The following PCDHGA10 variants were observed in gnomAD, a reference collection of about 807,000 sequenced individuals.
The protein encoded by PCDHGA10 is protocadherin gamma subfamily A, 10.
In PCDHGA10, 42 loss-of-function variants were observed where a neutral mutation model predicts 59.5. The ratio of observed to expected loss-of-function variants is 0.71; its 90% CI spans 0.55 to 0.91. PCDHGA10 has a LOEUF of 0.91. PCDHGA10 is among the 40% of genes least tolerant of loss of function. The pLI, the probability that PCDHGA10 is intolerant of heterozygous loss-of-function variation, is 0.00. For missense variants in PCDHGA10, 1,111 were observed against 1,198.2 expected, an observed-to-expected ratio of 0.93 and a Z score of 1.07; for synonymous variants, 511 against 517.2, an observed-to-expected ratio of 0.99 and a Z score of 0.16.
At chr5:141,427,912 A>G in intron 1 of PCDHGA10, 1 of 1,577,806 alleles carries the variant, frequency 6.3e-7, no homozygotes, top group East Asian at 2.2e-5. Flanking sequence ...CTCAGCGCCA[A>G]CATGAGCCGG....
chr5:141,491,390 T>G lies in PCDHGA10; in HGVS notation c.2437-3417T>G. 1 of 1,614,130 alleles carries G rather than the reference T, an allele frequency of 6.2e-7. No individual in the cohort carries two copies. Among genetic ancestry groups the G allele is most frequent in the Admixed American group, 1.7e-5 (1 of 60,028 alleles). ...TTCACCTTTCTGTCAGCGAAGTGCC[T>G]TCAGGGAAACGCAGACGGGGACGGG... On this transcript the variant is annotated intron_variant, in intron 1 of 3. Transcript: ENST00000398610. The surrounding 1 kb of genome is among the most constrained non-coding windows in gnomAD (Gnocchi z 6.9).
chr5:141,476,336 C>G lies in PCDHGA10; in HGVS notation c.2437-18471C>G, dbSNP rs1228900349. The G allele has an allele frequency of 2.5e-6, 4 of 1,614,008 alleles. No individual in the cohort carries two copies. The highest frequency in any genetic ancestry group is 2.2e-5 in the East Asian group (1 of 44,854). ...GTTCCGGGTGGTGTCTGGAGCTAGC[C>G]GAAGATTCTTTGAGGTGAACCGGGA... On this transcript the variant is annotated intron_variant, in intron 1 of 3. Coordinates refer to ENST00000398610, the MANE Select transcript of PCDHGA10 (RefSeq NM_018913.3). The surrounding 1 kb of genome is among the most constrained non-coding windows in gnomAD (Gnocchi z 7.6).
chr5:141,477,504 A>T lies in PCDHGA10; in HGVS notation c.2437-17303A>T, dbSNP rs1396003792. Reference sequence around the variant, plus strand: ...CCACAATCTTCTCAATCTTCCTACGACGTTTACATTGAAGAAAACAACCTC... The same window carrying T: ...CCACAATCTTCTCAATCTTCCTACGTCGTTTACATTGAAGAAAACAACCTC... On this transcript the variant is annotated intron_variant, in intron 1 of 3. Coordinates refer to ENST00000398610, the MANE Select transcript of PCDHGA10 (RefSeq NM_018913.3). This position sits in a 1 kb window ranked among gnomAD's most constrained non-coding sequence, Gnocchi z 4.9. The T allele has an allele frequency of 4.3e-6, 7 of 1,613,982 alleles. No homozygotes were observed. In the Admixed American group the frequency reaches 8.3e-5, roughly 19 times the overall value.
At chr5:141,443,751 A>C (rs1372334547) in intron 1 of PCDHGA10, among the ~76,000 whole-genome samples, 3 of 152,230 alleles carry the variant, frequency 2.0e-5, no homozygotes, top group African/African-American at 7.2e-5. Context: ...GTGAATTGGA[A>C]GCTTACAATA....
At chr5:141,458,058 C>T (rs997664641) in intron 1 of PCDHGA10, among the ~76,000 whole-genome samples, 3 of 152,196 alleles carry the variant, frequency 2.0e-5, no homozygotes, top group Non-Finnish European at 4.4e-5. Context: ...TCTTGCTGCA[C>T]TGATGCGAAC....
intron 1 of PCDHGA10, chr5:141,441,206 C>T (rs750648706): frequency 3.3e-5 from 5 of 152,150 alleles, no homozygotes; most frequent in African/African-American, 4.8e-5. Context: ...GATTCTGCAC[C>T]TTGGACAGTA....
intron 1 of PCDHGA10, among the ~76,000 whole-genome samples, chr5:141,436,374 G>C (rs2154557079): frequency 6.6e-6 from 1 of 152,248 alleles, no homozygotes; most frequent in East Asian, 1.9e-4. Context: ...TCCAGTTTAA[G>C]CTGAATAGGC....
At position 141,490,870 on chromosome 5, in the gene PCDHGA10, T is replaced by C; in HGVS notation, c.2437-3937T>C. Reference sequence around the variant, plus strand: ...GGTTCGAGACTCCGGCTCTCCCCCATTGCATGCCAACACATCTCTGCATGT... The same window carrying C: ...GGTTCGAGACTCCGGCTCTCCCCCACTGCATGCCAACACATCTCTGCATGT... On this transcript the variant is annotated intron_variant, in intron 1 of 3. Coordinates refer to ENST00000398610, the MANE Select transcript of PCDHGA10 (RefSeq NM_018913.3). The surrounding 1 kb of genome is among the most constrained non-coding windows in gnomAD (Gnocchi z 5.4). 6.2e-7 allele frequency: 1 copy of C among 1,613,888 alleles called. No homozygotes were observed. Among genetic ancestry groups the C allele is most frequent in the Non-Finnish European group, 8.5e-7 (1 of 1,179,932 alleles).
Position 141,414,134 on chromosome 5 carries a change from A to T in PCDHGA10, c.959A>T (p.Glu320Val). ...NLDYEETGFY[E>V]IEIQAEDGGA... The stretch of plus-strand genomic sequence containing the variant: ...GATTATGAAGAAACCGGTTTCTATG[A>T]AATAGAAATACAAGCAGAAGATGGA... Residue 320 changes from glutamate (E) to valine (V), a missense_variant, in exon 1 of 4, where the codon GAA becomes GTA. Glu to Val is a moderately radical substitution (Grantham distance 121). Transcript: ENST00000398610. 6.3e-7 allele frequency: 1 copy of T among 1,595,028 alleles called. No individual in the cohort carries two copies. The highest frequency in any genetic ancestry group is 1.1e-5 in the South Asian group (1 of 88,758).
chr5:141,500,365 C>T (rs888624200), intron 2 of PCDHGA10, among the ~76,000 whole-genome samples: 5 of 151,956 alleles, frequency 3.3e-5, no homozygotes, highest in South Asian at 2.1e-4. Flanking sequence ...CCCACTACCA[C>T]GCCCGGCTAA....
intron 1 of PCDHGA10, chr5:141,418,485 A>T: frequency 6.2e-7 from 1 of 1,614,028 alleles, no homozygotes; most frequent in Non-Finnish European, 8.5e-7. Flanking sequence ...AGCGCTCACC[A>T]CTTGGTACTG....
At chr5:141,424,698 T>G (rs1214214315) in intron 1 of PCDHGA10, 1 of 152,228 alleles carries the variant, frequency 6.6e-6, no homozygotes, top group Non-Finnish European at 1.5e-5. Context: ...GCTATTTTTT[T>G]GTTCATTTTC....
chr5:141,427,743 T>A, intron 1 of PCDHGA10: 5 of 1,249,166 alleles, frequency 4.0e-6, no homozygotes, highest in Non-Finnish European at 5.8e-6. Context: ...CCAAGTCTCC[T>A]ACTCCATCGT....
intron 1 of PCDHGA10, chr5:141,422,866 G>C: frequency 1.2e-6 from 2 of 1,614,216 alleles, no homozygotes; most frequent in Non-Finnish European, 8.5e-7. Context: ...CAGCAGCAAC[G>C]TGTCGCTGAG....
In PCDHGA10 at chr5:141,415,249, G is replaced by A. The variant is rs756443082; in HGVS notation, c.2074G>A (p.Asp692Asn). Residue 692 changes from aspartate to asparagine, a missense_variant, in exon 1 of 4, where the codon GAC becomes AAC. Transcript: ENST00000398610. ...GTCTCCAGCTAACTCTGAAACCTCA[G>A]ACCTCACTCTGTACCTGGTGGTAGC... The part of the protein sequence containing the change: ...FESPANSETS[D>N]LTLYLVVAVA... The A allele has an allele frequency of 6.2e-7, 1 of 1,614,204 alleles. No homozygotes were observed. Among genetic ancestry groups the A allele is most frequent in the South Asian group, 1.1e-5 (1 of 91,088 alleles).
At chr5:141,474,212 C>T (rs892802269) in intron 1 of PCDHGA10, among the ~76,000 whole-genome samples, 5 of 152,078 alleles carry the variant, frequency 3.3e-5, no homozygotes, top group African/African-American at 1.2e-4. Flanking sequence ...TTTCAAAAAC[C>T]AGATTGTGAA....
chr5:141,421,219 G>C (rs894586889), intron 1 of PCDHGA10: 1 of 1,573,208 alleles, frequency 6.4e-7, no homozygotes. Context: ...TATCGGCTTA[G>C]AGCCTGCCAT....
intron 1 of PCDHGA10, chr5:141,422,771 T>C (rs2096671394): frequency 6.2e-7 from 1 of 1,613,954 alleles, no homozygotes; most frequent in Non-Finnish European, 8.5e-7. Flanking sequence ...ACTGGTGTTC[T>C]CTATGCCCTA....
chr5:141,477,639 G>T lies in PCDHGA10; in HGVS notation c.2437-17168G>T, dbSNP rs2099414883. ...GGAGCTGAAACCGGGCTAGTGGGTCGCTATTTCACAATAAATCGTGACAAT... is the reference window on the plus strand; with the variant it reads ...GGAGCTGAAACCGGGCTAGTGGGTCTCTATTTCACAATAAATCGTGACAAT... On this transcript the variant is annotated intron_variant, in intron 1 of 3. Transcript: ENST00000398610. The surrounding 1 kb of genome is among the most constrained non-coding windows in gnomAD (Gnocchi z 4.9). 3.1e-6 allele frequency: 5 copies of T among 1,614,004 alleles called. No homozygotes were observed. Among genetic ancestry groups the T allele is most frequent in the Non-Finnish European group, 4.2e-6 (5 of 1,180,034 alleles).
Sources: allele counts gnomAD v4.1 joint callset (sites outside exome capture counted in the v4.1 genomes callset), GRCh38; gene constraint gnomAD v4.1.1; non-coding constraint Gnocchi (gnomAD v3.1); transcripts MANE v1.5; gene names NCBI Gene and HGNC (gene_info 2026-07-23, HGNC 2026-07-21).